PCSK5: variants seen among roughly 807,000 people sequenced by gnomAD.
The protein encoded by PCSK5 is proprotein convertase subtilisin/kexin type 5, also known as prohormone convertase 5.
A neutral mutation model predicts 233.2 loss-of-function variants in PCSK5; 129 were observed. The observed-to-expected ratio is 0.55, with a 90% CI of 0.48 to 0.64. The LOEUF (loss-of-function observed/expected upper bound fraction) is 0.64, where lower values mean the gene tolerates loss of function less well. PCSK5 is among the 30% of genes least tolerant of loss of function. The pLI is 0.00. For synonymous variants in PCSK5, 825 were observed against 879.2 expected (o/e 0.94, Z 1.09); for missense variants, 2,076 against 2,430.1 (o/e 0.85, Z 3.06).
At chr9:75,949,899 A>G (rs1158216523) in intron 2 of PCSK5, among the ~76,000 whole-genome samples, 1 of 152,184 alleles carries the variant, frequency 6.6e-6, no homozygotes, top group Non-Finnish European at 1.5e-5. Flanking sequence ...ACAGGCATGC[A>G]GTGCATAATA....
chr9:76,284,786 C>A (rs1192193638), intron 24 of PCSK5, among the ~76,000 whole-genome samples: 1 of 152,102 alleles, frequency 6.6e-6, no homozygotes, highest in African/African-American at 2.4e-5. Context: ...CCAGCCTCAG[C>A]CTCCCAAAGT....
chr9:76,284,025 A>T (rs543772359), intron 24 of PCSK5, among the ~76,000 whole-genome samples: 1 of 152,318 alleles, frequency 6.6e-6, no homozygotes, highest in East Asian at 1.9e-4. Context: ...GTTAAATATG[A>T]ATTTATTAGC....
intron 5 of PCSK5, among the ~76,000 whole-genome samples, chr9:76,062,093 T>C (rs1363963182): frequency 6.6e-6 from 1 of 151,924 alleles, no homozygotes; most frequent in African/African-American, 2.4e-5. Context: ...CAAAAAAATT[T>C]AAAAATTAGC....
At chr9:76,291,278 A>G (rs1828268662) in intron 24 of PCSK5, among the ~76,000 whole-genome samples, 2 of 152,230 alleles carry the variant, frequency 1.3e-5, no homozygotes, top group Non-Finnish European at 2.9e-5. Context: ...AAAAAACCAG[A>G]AGAGGGCAGA....
chr9:76,267,098 G>T (rs1244699481), intron 24 of PCSK5, among the ~76,000 whole-genome samples: 1 of 152,094 alleles, frequency 6.6e-6, no homozygotes, highest in Non-Finnish European at 1.5e-5. Flanking sequence ...AAAGAACAAT[G>T]GCCTTGGAAT....
intron 25 of PCSK5, among the ~76,000 whole-genome samples, chr9:76,294,890 T>G (rs1291137085): frequency 1.3e-5 from 2 of 152,068 alleles, no homozygotes; most frequent in African/African-American, 4.8e-5. Context: ...TGGTGGCTCA[T>G]GCCTGTAATT....
intron 3 of PCSK5, among the ~76,000 whole-genome samples, chr9:76,016,460 G>GA (rs1827953030): frequency 6.6e-6 from 1 of 152,298 alleles, no homozygotes; most frequent in East Asian, 1.9e-4. Context: ...TCAGTTCTTT[G>GA]AACTGAGGTA....
At chr9:75,953,858 T>G (rs949365264) in intron 2 of PCSK5, among the ~76,000 whole-genome samples, 1 of 152,192 alleles carries the variant, frequency 6.6e-6, no homozygotes, top group Non-Finnish European at 1.5e-5. Context: ...GTCACTATTA[T>G]AAGAGTTGAG....
intron 12 of PCSK5, among the ~76,000 whole-genome samples, chr9:76,162,130 T>C (rs1355233618): frequency 6.6e-6 from 1 of 152,154 alleles, no homozygotes; most frequent in Non-Finnish European, 1.5e-5. Context: ...TGCAGAATTA[T>C]TGCTCTGAGC....
At chr9:75,974,240 C>T (rs1215518086) in intron 2 of PCSK5, among the ~76,000 whole-genome samples, 7 of 152,082 alleles carry the variant, frequency 4.6e-5, no homozygotes, top group Admixed American at 2.6e-4. Flanking sequence ...CTCGCCTTCC[C>T]GTAGGGCTGG....
At position 76,175,294 on chromosome 9, in the gene PCSK5, A is replaced by C. The variant is rs767812986; in HGVS notation, c.1900+165A>C. 8.2e-5 allele frequency: 32 copies of C among 388,906 alleles called. No individual in the cohort carries two copies. The African/African-American group carries it at 8.7e-4, about 11-fold the overall frequency. The allele number at this position is 388,906 out of a possible 1,614,324, so 24.1% of individuals were successfully genotyped here. A position where few individuals can be genotyped will look rare whatever the true frequency, so the allele number is the denominator to read the frequency against. On this transcript the variant is annotated intron_variant, in intron 14 of 37. Transcript: ENST00000674117. ...ATGGAATCGAATCGAATCGAATCGA[A>C]TAGAATAGAATAGAATAGAACAGAA...
At chr9:76,066,755 T>A (rs1350610083) in intron 5 of PCSK5, among the ~76,000 whole-genome samples, 1 of 152,204 alleles carries the variant, frequency 6.6e-6, no homozygotes, top group African/African-American at 2.4e-5. Flanking sequence ...TGTGTACCTA[T>A]CAGTTGTAAG....
chr9:75,922,898 T>G (rs1260386418), intron 1 of PCSK5, among the ~76,000 whole-genome samples: 1 of 152,192 alleles, frequency 6.6e-6, no homozygotes, highest in Non-Finnish European at 1.5e-5. Context: ...CCGCTCAGGA[T>G]TCGTAATCAG....
chr9:76,190,474 T>A (rs1288635794), intron 20 of PCSK5, among the ~76,000 whole-genome samples: 1 of 152,126 alleles, frequency 6.6e-6, no homozygotes, highest in African/African-American at 2.4e-5. Context: ...ACCATGCACA[T>A]AGAGTTTTGT....
At chr9:75,945,217 A>G (rs1824509999) in intron 2 of PCSK5, among the ~76,000 whole-genome samples, 1 of 151,696 alleles carries the variant, frequency 6.6e-6, no homozygotes, top group Non-Finnish European at 1.5e-5. Flanking sequence ...AATAATAAAA[A>G]TAACATACGT....
chr9:76,162,198 C>T (rs902938890), intron 12 of PCSK5, among the ~76,000 whole-genome samples: 3 of 152,210 alleles, frequency 2.0e-5, no homozygotes, highest in African/African-American at 7.2e-5. Context: ...GAATGGCCAC[C>T]TTCCAAGGCC....
At chr9:76,183,407 T>C (rs906971884) in intron 16 of PCSK5, among the ~76,000 whole-genome samples, 7 of 152,254 alleles carry the variant, frequency 4.6e-5, no homozygotes, top group Non-Finnish European at 1.0e-4. Flanking sequence ...TGACTAGTAA[T>C]AATTACTGCC....
intron 35 of PCSK5, among the ~76,000 whole-genome samples, chr9:76,349,388 C>A (rs1204103854): frequency 2.0e-5 from 3 of 151,294 alleles, no homozygotes; most frequent in African/African-American, 7.3e-5. Context: ...CGTTCCAGAA[C>A]ATGTGGGAAA....
chr9:76,295,168 AAAACG>A (rs934198623), intron 25 of PCSK5, 102 bp from the exon 26 acceptor site: 112 of 1,052,844 alleles, frequency 1.1e-4, no homozygotes, highest in African/African-American at 7.1e-4. Flanking sequence ...AAAACAAAAC[AAAACG>A]AAACAAAAAA....
Sources: gnomAD v4.1 joint callset for allele counts (sites outside exome capture counted in the v4.1 genomes callset) on GRCh38, gnomAD v4.1.1 for gene constraint, MANE v1.5 for transcripts, NCBI Gene and HGNC (gene_info 2026-07-23, HGNC 2026-07-21) for gene names.